Variants in DACH2 observed in about 807,000 individuals in gnomAD.
The protein encoded by DACH2 is dachshund homolog 2.
In DACH2, 17 loss-of-function variants were observed where a neutral mutation model predicts 35.8. The ratio of observed to expected loss-of-function variants is 0.48; its 90% CI spans 0.33 to 0.71. DACH2 has a LOEUF of 0.71. Ranked by LOEUF, DACH2 falls within the 30% of genes least tolerant of loss-of-function variation. The pLI, the probability that DACH2 is intolerant of heterozygous loss-of-function variation, is 0.02. For synonymous variants in DACH2, 195 were observed against 177.3 expected (o/e 1.10, Z -0.79); for missense variants, 469 against 472.7 (o/e 0.99, Z 0.07).
intron 1 of DACH2, among the ~76,000 whole-genome samples, chrX:86,195,183 A>G (rs2147895796): frequency 9.0e-6 from 1 of 111,537 alleles, no homozygotes; most frequent in East Asian, 2.9e-4. Flanking sequence ...GTGTGCATGC[A>G]CTCTGCCCTT....
At chrX:86,314,021 C>A (rs1286746011) in intron 1 of DACH2, among the ~76,000 whole-genome samples, 1 of 111,068 alleles carries the variant, frequency 9.0e-6, no homozygotes, top group Non-Finnish European at 1.9e-5. Flanking sequence ...ACAAACCATG[C>A]CCATGTAAAA....
intron 1 of DACH2, among the ~76,000 whole-genome samples, chrX:86,268,490 A>ATTTTAT (rs1282194836): frequency 1.2e-4 from 9 of 77,185 alleles, no homozygotes; most frequent in Non-Finnish European, 2.2e-4. Flanking sequence ...CATTTAAAAC[A>ATTTTAT]TTTATTTTAT....
intron 3 of DACH2, among the ~76,000 whole-genome samples, chrX:86,602,267 GT>G (rs1381116726): frequency 8.9e-6 from 1 of 111,921 alleles, no homozygotes; most frequent in Non-Finnish European, 1.9e-5. Context: ...AGATATTTTT[GT>G]TGCTTATGGT....
intron 2 of DACH2, among the ~76,000 whole-genome samples, chrX:86,420,015 A>G (rs1425038100): frequency 1.8e-5 from 2 of 112,059 alleles, no homozygotes; most frequent in Non-Finnish European, 3.8e-5. Context: ...TTGAAGCGTT[A>G]TTGTGAAGAT....
intron 3 of DACH2, among the ~76,000 whole-genome samples, chrX:86,594,233 T>G (rs949064254): frequency 7.2e-5 from 8 of 111,734 alleles, no homozygotes; most frequent in South Asian, 3.7e-4. Flanking sequence ...ATGTGATACC[T>G]CTTTTGTTTT....
intron 1 of DACH2, among the ~76,000 whole-genome samples, chrX:86,153,982 A>G (rs1365287677): frequency 9.0e-6 from 1 of 111,708 alleles, no homozygotes; most frequent in Non-Finnish European, 1.9e-5. Flanking sequence ...CATGAATGTC[A>G]ATAAATAATT....
intron 3 of DACH2, among the ~76,000 whole-genome samples, chrX:86,581,406 C>T (rs1337652868): frequency 3.2e-5 from 3 of 94,010 alleles, no homozygotes; most frequent in Non-Finnish European, 6.0e-5. Context: ...GCTAAATGCT[C>T]CAGCTAAAAG....
intron 3 of DACH2, among the ~76,000 whole-genome samples, chrX:86,517,900 A>G (rs2148274349): frequency 9.0e-6 from 1 of 111,724 alleles, no homozygotes; most frequent in South Asian, 3.7e-4. Context: ...CTTAAGTTTA[A>G]TTAGATCCCA....
At chrX:86,359,122 T>C (rs377337717) in intron 1 of DACH2, among the ~76,000 whole-genome samples, 94 of 109,467 alleles carry the variant, frequency 8.6e-4, no homozygotes, top group African/African-American at 3.1e-3. Context: ...TGTTTGTGTG[T>C]GCATGTGTGT....
chrX:86,167,579 A>G (rs1322133586), intron 1 of DACH2, among the ~76,000 whole-genome samples: 1 of 110,339 alleles, frequency 9.1e-6, no homozygotes, highest in Non-Finnish European at 1.9e-5. Flanking sequence ...ATTTTCCTCT[A>G]CTAATTTTGA....
chrX:86,535,307 G>A (rs916309848), intron 3 of DACH2, among the ~76,000 whole-genome samples: 1 of 111,486 alleles, frequency 9.0e-6, no homozygotes, highest in African/African-American at 3.3e-5. Context: ...GAATGTCTTA[G>A]TATGTTTTGT....
chrX:86,579,868 G>A (rs2039480826), intron 3 of DACH2, among the ~76,000 whole-genome samples: 1 of 112,351 alleles, frequency 8.9e-6, no homozygotes, highest in Non-Finnish European at 1.9e-5. Context: ...TACCACCACA[G>A]CCTACATGCG....
intron 2 of DACH2, among the ~76,000 whole-genome samples, chrX:86,467,206 C>A (rs934229358): frequency 4.5e-5 from 5 of 111,627 alleles, no homozygotes; most frequent in African/African-American, 1.3e-4. Context: ...CCCAAGTCAC[C>A]TCTTGAATGC....
chrX:86,566,753 A>G (rs964244259), intron 3 of DACH2, among the ~76,000 whole-genome samples: 1 of 111,196 alleles, frequency 9.0e-6, no homozygotes, highest in Non-Finnish European at 1.9e-5. Flanking sequence ...ATAATGACCT[A>G]ATAACATCTT....
chrX:86,620,033 T>C (rs775094981), intron 3 of DACH2, among the ~76,000 whole-genome samples: 4 of 112,232 alleles, frequency 3.6e-5, no homozygotes, highest in Non-Finnish European at 5.6e-5. Context: ...TTAACCCTGA[T>C]TGAGATGGGA....
intron 1 of DACH2, among the ~76,000 whole-genome samples, chrX:86,236,018 A>C (rs1280575434): frequency 9.0e-6 from 1 of 111,603 alleles, no homozygotes; most frequent in African/African-American, 3.3e-5. Flanking sequence ...CTGTAATCCC[A>C]GTTACTCAGG....
intron 1 of DACH2, among the ~76,000 whole-genome samples, chrX:86,195,304 G>A (rs955411883): frequency 3.6e-5 from 4 of 112,031 alleles, no homozygotes; most frequent in African/African-American, 1.3e-4. Flanking sequence ...CCAGTGCATT[G>A]CCCTTGTGCC....
chrX:86,228,186 A>C (rs1481076888), intron 1 of DACH2, among the ~76,000 whole-genome samples: 1 of 109,972 alleles, frequency 9.1e-6, no homozygotes, highest in Admixed American at 9.8e-5. Context: ...CTCATAGCTT[A>C]GCTCCCATAT....
chrX:86,621,154 A>G (rs1171409646), intron 3 of DACH2, among the ~76,000 whole-genome samples: 1 of 111,904 alleles, frequency 8.9e-6, no homozygotes, highest in Non-Finnish European at 1.9e-5. Context: ...TTAAAAATAC[A>G]TTGAGTAAAG....
Sources: gnomAD v4.1 joint callset for allele counts (sites outside exome capture counted in the v4.1 genomes callset) on GRCh38, gnomAD v4.1.1 for gene constraint, MANE v1.5 for transcripts, NCBI Gene and HGNC (gene_info 2026-07-23, HGNC 2026-07-21) for gene names.